SLC24A2: variants seen among roughly 807,000 people sequenced by gnomAD.
SLC24A2 encodes solute carrier family 24 member 2, also known as sodium/potassium/calcium exchanger 2.
SLC24A2 carries 36 observed loss-of-function variants against 62.0 expected under a neutral mutation model. The observed-to-expected ratio is 0.58, with a 90% CI of 0.44 to 0.77. SLC24A2 has a LOEUF of 0.77. Among genes scored for constraint, SLC24A2 ranks in the 30% least tolerant of loss-of-function variants. SLC24A2 has a pLI of 0.00. For synonymous variants in SLC24A2, 358 were observed against 294.0 expected (o/e 1.22, Z -2.23); for missense variants, 846 against 817.9 (o/e 1.03, Z -0.42).
the SLC24A2 span, among the ~76,000 whole-genome samples, chr9:20,177,099 T>C: frequency 5.3e-5 from 8 of 152,280 alleles, no homozygotes; most frequent in East Asian, 1.4e-3. Context: ...AATATTAGAT[T>C]GGCTGACATT....
In SLC24A2 at chr9:19,516,460, C is replaced by T. The variant is rs762722888; in HGVS notation, c.1737-58G>A. Reference sequence around the variant, plus strand: ...GGGAAGACAAGGGAGTAGTCAGACACGTTGAAGAAGGCAAATATAACCTAT... The same window carrying T: ...GGGAAGACAAGGGAGTAGTCAGACATGTTGAAGAAGGCAAATATAACCTAT... On this transcript the variant is annotated intron_variant, in intron 10 of 10. Transcript: ENST00000341998. The T allele has an allele frequency of 2.5e-4, 404 of 1,594,010 alleles. 3 individuals carry two copies. The Middle Eastern group carries it at 2.7e-3, about 11-fold the overall frequency.
chr9:19,723,300 A>T (rs1821080644), intron 2 of SLC24A2, among the ~76,000 whole-genome samples: 1 of 152,144 alleles, frequency 6.6e-6, no homozygotes, highest in Non-Finnish European at 1.5e-5. Context: ...TTTGTTGCAC[A>T]GATGTGAAGG....
At chr9:19,924,314 C>T in the SLC24A2 span, among the ~76,000 whole-genome samples, 1 of 152,210 alleles carries the variant, frequency 6.6e-6, no homozygotes, top group Admixed American at 6.5e-5. Flanking sequence ...TGTGTCATCC[C>T]CAGCCTCAGA....
the SLC24A2 span, among the ~76,000 whole-genome samples, chr9:20,058,054 A>G: frequency 6.6e-6 from 1 of 152,218 alleles, no homozygotes; most frequent in African/African-American, 2.4e-5. Context: ...GAGTGTCAAC[A>G]TTTAACATTG....
the SLC24A2 span, among the ~76,000 whole-genome samples, chr9:20,186,780 C>A: frequency 6.6e-6 from 1 of 152,118 alleles, no homozygotes; most frequent in Non-Finnish European, 1.5e-5. Context: ...AGTACAAAGC[C>A]TGGCACAGAG....
At chr9:20,288,961 A>G in the SLC24A2 span, among the ~76,000 whole-genome samples, 6 of 152,028 alleles carry the variant, frequency 3.9e-5, no homozygotes, top group African/African-American at 1.4e-4. Flanking sequence ...GCCGGCATCA[A>G]CCACCAGACA....
At chr9:19,892,018 C>T in the SLC24A2 span, among the ~76,000 whole-genome samples, 656 of 152,266 alleles carry the variant, frequency 4.3e-3, 1 homozygote, top group African/African-American at 0.011. Context: ...CTCAGCTCAC[C>T]TCTTCAGATT....
the SLC24A2 span, among the ~76,000 whole-genome samples, chr9:19,837,437 C>T: frequency 6.3e-5 from 7 of 111,538 alleles, no homozygotes; most frequent in South Asian, 6.5e-4. Flanking sequence ...CCGGCCTGGG[C>T]GACAGAGCGA....
At chr9:20,098,286 T>C in the SLC24A2 span, among the ~76,000 whole-genome samples, 1 of 152,174 alleles carries the variant, frequency 6.6e-6, no homozygotes, top group Non-Finnish European at 1.5e-5. Flanking sequence ...GGCAAGGAAA[T>C]GTAGAACTCA....
At chr9:20,154,029 T>C in the SLC24A2 span, among the ~76,000 whole-genome samples, 1 of 151,898 alleles carries the variant, frequency 6.6e-6, no homozygotes, top group Non-Finnish European at 1.5e-5. Context: ...CTTGGGAAAG[T>C]TCTAAATATG....
the SLC24A2 span, among the ~76,000 whole-genome samples, chr9:20,307,392 A>C: frequency 3.3e-5 from 5 of 152,242 alleles, no homozygotes; most frequent in African/African-American, 1.2e-4. Flanking sequence ...GTATTCCCTA[A>C]TGCTGCGACT....
intron 10 of SLC24A2, 115 bp from the exon 11 acceptor site, chr9:19,516,517 G>T: frequency 7.6e-7 from 1 of 1,309,008 alleles, no homozygotes; most frequent in Non-Finnish European, 1.1e-6. Context: ...AAACTGAAAA[G>T]GGTGTCTTGT....
At chr9:20,223,916 C>T in the SLC24A2 span, among the ~76,000 whole-genome samples, 1 of 151,916 alleles carries the variant, frequency 6.6e-6, no homozygotes, top group African/African-American at 2.4e-5. Context: ...CCTCAGGAAA[C>T]TTACAATCAT....
At chr9:19,910,332 A>G in the SLC24A2 span, among the ~76,000 whole-genome samples, 1 of 152,020 alleles carries the variant, frequency 6.6e-6, no homozygotes, top group Non-Finnish European at 1.5e-5. Flanking sequence ...GCTTCTCTCC[A>G]TCTCTACTGC....
chr9:19,962,564 G>A, the SLC24A2 span, among the ~76,000 whole-genome samples: 1 of 152,158 alleles, frequency 6.6e-6, no homozygotes, highest in African/African-American at 2.4e-5. Flanking sequence ...AGTTCTCCTT[G>A]AAGAGGTCCT....
chr9:19,610,636 T>C (rs1245635237), intron 4 of SLC24A2, among the ~76,000 whole-genome samples: 1 of 152,156 alleles, frequency 6.6e-6, no homozygotes, highest in African/African-American at 2.4e-5. Flanking sequence ...ATGCAGCAAA[T>C]ACTGACCAAG....
the SLC24A2 span, among the ~76,000 whole-genome samples, chr9:19,820,240 A>AC: frequency 2.2e-4 from 33 of 150,278 alleles, no homozygotes; most frequent in African/African-American, 6.1e-4. Flanking sequence ...AGCTGTGAGG[A>AC]CGCAAAGGCA....
At chr9:19,636,298 T>TTTCCTTTC (rs1818318249) in intron 2 of SLC24A2, among the ~76,000 whole-genome samples, 1 of 42,384 alleles carries the variant, frequency 2.4e-5, no homozygotes, top group African/African-American at 9.1e-5. Context: ...TCTTTTCTTT[T>TTTCCTTTC]CTTTTCTTTT....
intron 2 of SLC24A2, among the ~76,000 whole-genome samples, chr9:19,728,367 A>C (rs189439435): frequency 6.6e-6 from 1 of 152,130 alleles, no homozygotes; most frequent in East Asian, 1.9e-4. Context: ...GCTGAAAGGA[A>C]TGATATCTCA....
Sources: allele counts gnomAD v4.1 joint callset (sites outside exome capture counted in the v4.1 genomes callset), GRCh38; gene constraint gnomAD v4.1.1; transcripts MANE v1.5; gene names NCBI Gene and HGNC (gene_info 2026-07-23, HGNC 2026-07-21).